The following STK32A variants were observed in gnomAD, a reference collection of about 807,000 sequenced individuals.
The protein encoded by STK32A is serine/threonine kinase 32A.
A neutral mutation model predicts 53.2 loss-of-function variants in STK32A; 41 were observed. The ratio of observed to expected loss-of-function variants is 0.77; its 90% confidence interval spans 0.60 to 1.00. The LOEUF (loss-of-function observed/expected upper bound fraction) is 1.00. STK32A is among the 50% of genes least tolerant of loss of function. STK32A has a pLI of 0.00. For missense variants in STK32A, 458 were observed against 485.8 expected (o/e 0.94, Z 0.54); for synonymous variants, 166 against 162.8 (o/e 1.02, Z -0.15).
intron 6 of STK32A, among the ~76,000 whole-genome samples, chr5:147,348,455 G>A (rs79546032): frequency 3.3e-5 from 5 of 152,164 alleles, no homozygotes; most frequent in Non-Finnish European, 7.4e-5. Context: ...AGAGTTGAGG[G>A]GGGACGGGGC....
At chr5:147,401,671 G>A in the STK32A span, 1 of 1,614,170 alleles carries the variant, frequency 6.2e-7, no homozygotes, top group East Asian at 2.2e-5. Context: ...GGCTGGCAGT[G>A]ATGGGCTCAC....
Position 147,246,228 on chromosome 5 carries a change from A to G in STK32A, c.52+6542A>G, listed in dbSNP as rs1048353649. Among the ~76,000 whole-genome samples the G allele has an allele frequency of 1.1e-4, 17 of 152,330 alleles. No homozygotes were observed. The South Asian group carries it at 1.2e-3, about 11-fold the overall frequency. On this transcript the variant is annotated intron_variant, in intron 2 of 12. Transcript: ENST00000397936. ...TTAGTAAAGGCATTTGTCATAAATAACCTCAAGTCCAATTTATGGCAAGGG... is the reference window on the plus strand; with the variant it reads ...TTAGTAAAGGCATTTGTCATAAATAGCCTCAAGTCCAATTTATGGCAAGGG...
At chr5:147,302,692 G>A (rs1240882471) in intron 4 of STK32A, among the ~76,000 whole-genome samples, 1 of 152,102 alleles carries the variant, frequency 6.6e-6, no homozygotes, top group East Asian at 1.9e-4. Flanking sequence ...TATAGAATAA[G>A]AACAATGAGG....
chr5:147,241,302 C>A (rs1753562092), intron 2 of STK32A, among the ~76,000 whole-genome samples: 1 of 152,082 alleles, frequency 6.6e-6, no homozygotes, highest in Non-Finnish European at 1.5e-5. Flanking sequence ...CACGGTGAAA[C>A]CCCGTCTCTA....
chr5:147,287,189 A>C (rs1162977024), intron 4 of STK32A, among the ~76,000 whole-genome samples: 4 of 152,208 alleles, frequency 2.6e-5, no homozygotes, highest in Non-Finnish European at 5.9e-5. Flanking sequence ...CAAGGCATAG[A>C]AAATGGCAGA....
chr5:147,281,937 G>C (rs1037727967), intron 4 of STK32A, among the ~76,000 whole-genome samples: 1 of 152,124 alleles, frequency 6.6e-6, no homozygotes, highest in Non-Finnish European at 1.5e-5. Flanking sequence ...AGCTAGAAGG[G>C]ATTGGAGCCC....
At chr5:147,369,111 A>G (rs948360413) in intron 8 of STK32A, among the ~76,000 whole-genome samples, 2 of 152,138 alleles carry the variant, frequency 1.3e-5, no homozygotes, top group Admixed American at 1.3e-4. Context: ...CTTTACTGAT[A>G]TTGAGTTAAT....
In STK32A at chr5:147,239,651, C is replaced by T; in HGVS notation, c.17C>T (p.Ser6Leu). 6.2e-7 allele frequency: 1 copy of T among 1,608,398 alleles called. No homozygotes were observed. The highest frequency in any genetic ancestry group is 8.5e-7 in the Non-Finnish European group (1 of 1,177,208). ...GATTCAACCATGGGAGCGAACACTT[C>T]AAGAAAACCACCAGTGTTTGATGAA... MGANT[S>L]RKPPVFDENE... The change falls in exon 2 of 13, where the codon TCA becomes TTA. Residue 6 changes from serine to leucine, a missense_variant. Transcript: ENST00000397936.
chr5:147,259,085 G>A (rs1835908), intron 2 of STK32A, among the ~76,000 whole-genome samples: 41,145 of 151,886 alleles, frequency 0.27, 5,846 homozygotes, highest in Admixed American at 0.35. Context: ...TCAATCACCC[G>A]GGAGGAACCT....
At chr5:147,336,467 G>T (rs1230981690) in intron 5 of STK32A, among the ~76,000 whole-genome samples, 3 of 152,066 alleles carry the variant, frequency 2.0e-5, no homozygotes, top group Non-Finnish European at 4.4e-5. Context: ...TGCTGTTCTG[G>T]TTGTTAAATA....
intron 10 of STK32A, 130 bp downstream of exon 10, chr5:147,373,424 A>G: frequency 7.7e-7 from 1 of 1,292,192 alleles, no homozygotes; most frequent in Non-Finnish European, 1.1e-6. Flanking sequence ...CATTTTACAG[A>G]TGAGAGAATT....
intron 7 of STK32A, among the ~76,000 whole-genome samples, chr5:147,353,626 G>T (rs1561742123): frequency 6.6e-6 from 1 of 152,092 alleles, no homozygotes; most frequent in African/African-American, 2.4e-5. Flanking sequence ...TGGGCATGGT[G>T]GCGTGCATCT....
chr5:147,322,026 T>A (rs1423769573), intron 4 of STK32A, among the ~76,000 whole-genome samples: 4 of 152,206 alleles, frequency 2.6e-5, no homozygotes. Context: ...CAGATATGAT[T>A]ACAGTTTCAC....
At chr5:147,305,868 T>C (rs1244026355) in intron 4 of STK32A, among the ~76,000 whole-genome samples, 2 of 151,920 alleles carry the variant, frequency 1.3e-5, no homozygotes, top group African/African-American at 4.8e-5. Context: ...CTCCAAAATA[T>C]GTGTACTTTT....
chr5:147,245,324 A>G (rs747726351), intron 2 of STK32A, among the ~76,000 whole-genome samples: 5 of 152,248 alleles, frequency 3.3e-5, no homozygotes, highest in Admixed American at 6.5e-5. Flanking sequence ...ATTCTGAGAA[A>G]TAATTAATGA....
At chr5:147,243,186 T>C (rs1484712446) in intron 2 of STK32A, among the ~76,000 whole-genome samples, 1 of 69,338 alleles carries the variant, frequency 1.4e-5, no homozygotes, top group African/African-American at 5.3e-5. Context: ...TTCCAATATA[T>C]AGATATGAGA....
At chr5:147,236,253 G>A (rs144716745) in intron 1 of STK32A, among the ~76,000 whole-genome samples, 191 of 152,258 alleles carry the variant, frequency 1.3e-3, no homozygotes, top group Non-Finnish European at 2.1e-3. Context: ...AATCGGCCAG[G>A]TCAGGGTAGA....
At chr5:147,360,450 C>CAAAAAAAAAAAAAAAAAAAA (rs56690647) in intron 7 of STK32A, among the ~76,000 whole-genome samples, 3 of 81,178 alleles carry the variant, frequency 3.7e-5, no homozygotes, top group Admixed American at 2.8e-4. Flanking sequence ...GATTCTGTCT[C>CAAAAAAAAAAAAAAAAAAAA]AAAAAAAAAA....
In STK32A at chr5:147,361,572, G is replaced by A. The variant is rs750802736; in HGVS notation, c.618G>A (p.Trp206Ter). ...KGAGYSFAVD[W>*]WSLGVTAYEL... ...CAGGCTATTCCTTTGCTGTTGACTG[G>A]TGGTCCCTGGGAGTGACGGCATATG... is the stretch of plus-strand genomic sequence containing the variant. The change falls in exon 8 of 13, where the codon TGG becomes TGA. Residue 206 changes from tryptophan to a stop codon, truncating the protein, a stop_gained. Transcript: ENST00000397936. LOFTEE classifies it high-confidence loss of function. 3.7e-6 allele frequency: 6 copies of A among 1,613,490 alleles called. No homozygotes were observed. The East Asian group carries it at 8.9e-5, about 24-fold the overall frequency.
Sources: gnomAD v4.1 joint callset for allele counts (sites outside exome capture counted in the v4.1 genomes callset) on GRCh38, gnomAD v4.1.1 for gene constraint, MANE v1.5 for transcripts, NCBI Gene and HGNC (gene_info 2026-07-23, HGNC 2026-07-21) for gene names.